Variants in MCF2L observed in about 807,000 individuals in gnomAD.
MCF2L encodes the protein MCF.2 cell line derived transforming sequence like.
MCF2L carries 97 observed loss-of-function variants against 153.4 expected under a neutral mutation model. That is an observed-to-expected ratio of 0.63 (90% CI 0.54 to 0.75). MCF2L has a LOEUF of 0.75. Ranked by LOEUF, MCF2L falls within the 30% of genes least tolerant of loss-of-function variation. MCF2L has a pLI of 0.00. For missense variants in MCF2L, 1,347 were observed against 1,495.2 expected, an observed-to-expected ratio of 0.90 and a Z score of 1.64; for synonymous variants, 659 against 632.2, an observed-to-expected ratio of 1.04 and a Z score of -0.64.
At chr13:113,051,829 C>G (rs2087350998) in intron 4 of MCF2L, among the ~76,000 whole-genome samples, 1 of 152,138 alleles carries the variant, frequency 6.6e-6, no homozygotes, top group African/African-American at 2.4e-5. Context: ...CAGCCCAGGG[C>G]TGCCCCCGCT....
intron 23 of MCF2L, 73 bp from the exon 24 acceptor site, chr13:113,088,254 C>T (rs1377197819): frequency 2.1e-5 from 27 of 1,262,948 alleles, no homozygotes; most frequent in East Asian, 9.2e-5. Flanking sequence ...TTGGATGTTC[C>T]GAGAGTGAAA....
intron 7 of MCF2L, among the ~76,000 whole-genome samples, chr13:113,065,784 G>A (rs2032266293): frequency 6.6e-6 from 1 of 152,210 alleles, no homozygotes; most frequent in Admixed American, 6.5e-5. Context: ...CTGGTCTCCA[G>A]TGACTCTTTC....
At chr13:113,095,850 G>C in intron 27 of MCF2L, 1 of 979,098 alleles carries the variant, frequency 1.0e-6, no homozygotes, top group Non-Finnish European at 1.2e-6. Context: ...AGCATCCGCT[G>C]TGTGCCAGGC....
chr13:112,919,292 G>A lies in MCF2L; in HGVS notation c.169+16921G>A, dbSNP rs1302828755. ...GGGATCTCGGCTCACTGCAAGCTCC[G>A]CCTCCCGGGTTCACGCCATTCTCCT... is the stretch of plus-strand genomic sequence containing the variant. On this transcript the variant is annotated intron_variant, in intron 2 of 29. Coordinates refer to the MCF2L transcript ENST00000375608. Among the ~76,000 whole-genome samples, 8 of 137,138 alleles carry A rather than the reference G, an allele frequency of 5.8e-5. 1 individual carries two copies. The highest frequency in any genetic ancestry group is 1.7e-4 in the African/African-American group (6 of 36,340). 90.0% of individuals were successfully genotyped at this position (137,138 alleles called of 152,430 possible).
At chr13:112,923,827 C>G (rs1317733336) in intron 2 of MCF2L, among the ~76,000 whole-genome samples, 1 of 152,156 alleles carries the variant, frequency 6.6e-6, no homozygotes, top group African/African-American at 2.4e-5. Flanking sequence ...GAGCTGCATT[C>G]AGTTGTCCTG....
At position 113,082,539 on chromosome 13, in the gene MCF2L, A is replaced by C; in HGVS notation, c.1988A>C (p.Asn663Thr). ...GNMEEIYHFH[N>T]RIFLRELENY... ...ATGGAGGAAATCTATCACTTCCACA[A>C]CAGGTGGGCCCTTCCCCCCGACACA... is the stretch of plus-strand genomic sequence containing the variant. The change falls in exon 17 of 30, where the codon AAC (asparagine) becomes ACC (threonine). Residue 663 changes from asparagine (N) to threonine (T), a missense_variant. Asn to Thr is a moderately conservative substitution (Grantham distance 65). Around this residue, in one of 3 missense-constraint regions of MCF2L, gnomAD observed 820 missense variants for 921.2 expected, o/e 0.89. Transcript: ENST00000535094. The C allele has an allele frequency of 6.2e-7, 1 of 1,603,688 alleles. No individual in the cohort carries two copies. The highest frequency in any genetic ancestry group is 1.1e-5 in the South Asian group (1 of 90,798).
intron 2 of MCF2L, among the ~76,000 whole-genome samples, chr13:112,929,279 T>C (rs2081438058): frequency 6.6e-6 from 1 of 152,244 alleles, no homozygotes; most frequent in South Asian, 2.1e-4. Context: ...TCTTTATTCC[T>C]GGATTCGTGG....
intron 4 of MCF2L, among the ~76,000 whole-genome samples, chr13:113,055,073 C>T (rs2087637931): frequency 6.6e-6 from 1 of 152,162 alleles, no homozygotes; most frequent in African/African-American, 2.4e-5. Context: ...GAACTTTCCC[C>T]AGCTTTTAAT....
At chr13:112,966,698 A>G (rs1218944882), upstream of MCF2L, among the ~76,000 whole-genome samples, 3 of 152,220 alleles carry the variant, frequency 2.0e-5, no homozygotes, top group East Asian at 5.8e-4. This position sits in a 1 kb window ranked among gnomAD's most constrained non-coding sequence, Gnocchi z 4.1. Flanking sequence ...AAAGAAGCCA[A>G]TAGCATGTGT....
At chr13:113,017,194 C>T (rs2084584737) in intron 2 of MCF2L, among the ~76,000 whole-genome samples, 1 of 152,256 alleles carries the variant, frequency 6.6e-6, no homozygotes, top group South Asian at 2.1e-4. Flanking sequence ...TGCGCCTGCA[C>T]TCCGGGTTCC....
rs184259307 is a variant in MCF2L, at chr13:112,953,891, G to A, written c.169+51520G>A. ...TGCCAGGGCCCTGCTGTGGGCACTC[G>A]CTGCCTCACCTCTCCTCCCCCTGCA... On this transcript the variant is annotated intron_variant, in intron 2 of 29. Coordinates refer to the MCF2L transcript ENST00000375608. Among the ~76,000 whole-genome samples the A allele has an allele frequency of 2.9e-3, 440 of 152,308 alleles. 2 individuals carry two copies. Among genetic ancestry groups the A allele is most frequent in the Admixed American group, 4.1e-3 (62 of 15,308 alleles).
intron 5 of MCF2L, 143 bp downstream of exon 5, chr13:113,060,855 C>A: frequency 9.1e-7 from 1 of 1,104,638 alleles, no homozygotes; most frequent in Non-Finnish European, 1.3e-6. Flanking sequence ...CGGGAAGTTG[C>A]ACCTCCTCAA....
At chr13:112,952,164 A>G (rs1313227965) in intron 2 of MCF2L, among the ~76,000 whole-genome samples, 1 of 152,190 alleles carries the variant, frequency 6.6e-6, no homozygotes, top group African/African-American at 2.4e-5. Flanking sequence ...GAATAAGTTA[A>G]CAGTTCTAAG....
chr13:112,901,896 G>A (rs1180674377), intron 1 of MCF2L, among the ~76,000 whole-genome samples: 1 of 152,224 alleles, frequency 6.6e-6, no homozygotes, highest in African/African-American at 2.4e-5. Context: ...TCTGAATGTC[G>A]AGGGGAAAAC....
At position 113,062,494 on chromosome 13, in the gene MCF2L, G is replaced by T. The variant is rs545775273; in HGVS notation, c.489+1782G>T. Among the ~76,000 whole-genome samples the T allele has an allele frequency of 2.6e-5, 4 of 152,194 alleles. No homozygotes were observed. The South Asian group carries it at 8.3e-4, about 32-fold the overall frequency. On this transcript the variant is annotated intron_variant, in intron 5 of 29. Coordinates refer to ENST00000535094, the MANE Select transcript of MCF2L (RefSeq NM_001112732.3). ...AGCCATAGGCTTTGTGACCACAGAC[G>T]TGTCACGGGGAGCAAGACCGACCTC...
intron 3 of MCF2L, chr13:113,044,770 G>T: frequency 1.9e-6 from 3 of 1,612,948 alleles, no homozygotes; most frequent in Non-Finnish European, 1.7e-6. Flanking sequence ...GTTTCCAGCA[G>T]ATGCTTGGGA....
At chr13:112,958,167 C>T (rs1039444247) in intron 2 of MCF2L, 2 of 152,218 alleles carry the variant, frequency 1.3e-5, no homozygotes, top group Non-Finnish European at 2.9e-5. Flanking sequence ...GCTCTCGAGA[C>T]CAGGCCTGCT....
At chr13:112,955,080 G>T (rs967937588) in intron 2 of MCF2L, among the ~76,000 whole-genome samples, 6 of 152,220 alleles carry the variant, frequency 3.9e-5, no homozygotes, top group Non-Finnish European at 5.9e-5. Flanking sequence ...CGGGACCCTG[G>T]TCCCAGGCGT....
At chr13:113,078,000 G>T (rs1290263089) in intron 13 of MCF2L, among the ~76,000 whole-genome samples, 2 of 152,232 alleles carry the variant, frequency 1.3e-5, no homozygotes, top group African/African-American at 4.8e-5. Context: ...CTGTGGGAAC[G>T]TGGGGTGACT....
Sources: allele counts gnomAD v4.1 joint callset (sites outside exome capture counted in the v4.1 genomes callset), GRCh38; gene constraint gnomAD v4.1.1; regional missense constraint gnomAD v4.1.1; non-coding constraint Gnocchi (gnomAD v3.1); transcripts MANE v1.5; gene names NCBI Gene and HGNC (gene_info 2026-07-23, HGNC 2026-07-21).